CSMD1: variants seen among roughly 807,000 people sequenced by gnomAD.
The protein encoded by CSMD1 is CUB and Sushi multiple domains 1, also known as CUB and sushi domain-containing protein 1.
Under a neutral mutation model 417.5 loss-of-function variants are expected in CSMD1, and 213 were observed. The observed-to-expected ratio is 0.51, with a 90% CI of 0.46 to 0.57. The LOEUF (loss-of-function observed/expected upper bound fraction) is 0.57, where lower values mean the gene tolerates loss of function less well. CSMD1 is among the 20% of genes least tolerant of loss of function. The pLI is 0.00. For missense variants in CSMD1, 6,923 were observed against 4,529.7 expected (o/e 1.53, Z -15.17); for synonymous variants, 2,862 against 1,736.8 (o/e 1.65, Z -16.11).
intron 52 of CSMD1, among the ~76,000 whole-genome samples, chr8:3,015,051 T>C (rs1299279908): frequency 6.6e-6 from 1 of 151,832 alleles, no homozygotes. Flanking sequence ...ACACCTAATA[T>C]GTATCCATAA....
intron 11 of CSMD1, among the ~76,000 whole-genome samples, chr8:3,475,302 G>T (rs1225188501): frequency 6.6e-6 from 1 of 152,134 alleles, no homozygotes; most frequent in Non-Finnish European, 1.5e-5. Flanking sequence ...GCAATTTTAT[G>T]TCTCTTGGCC....
intron 10 of CSMD1, among the ~76,000 whole-genome samples, chr8:3,500,263 T>G (rs924964202): frequency 2.0e-5 from 3 of 152,188 alleles, no homozygotes; most frequent in African/African-American, 7.2e-5. Flanking sequence ...TTTTGGTTCC[T>G]CTTTGTGAAG....
At chr8:3,945,667 G>A (rs573551895) in intron 5 of CSMD1, among the ~76,000 whole-genome samples, 3 of 152,008 alleles carry the variant, frequency 2.0e-5, no homozygotes, top group African/African-American at 7.2e-5. Context: ...TTTTACTTAG[G>A]TGAAATGACG....
chr8:3,651,344 C>A (rs1047552124), intron 7 of CSMD1, among the ~76,000 whole-genome samples: 3 of 152,092 alleles, frequency 2.0e-5, no homozygotes, highest in African/African-American at 7.2e-5. Context: ...GTCCCCACCC[C>A]CACACACTTC....
chr8:3,724,262 T>G (rs1162402665), intron 6 of CSMD1, among the ~76,000 whole-genome samples: 1 of 152,080 alleles, frequency 6.6e-6, no homozygotes, highest in Admixed American at 6.6e-5. Flanking sequence ...GTTAGTTACA[T>G]ATGTATACAT....
At chr8:4,944,648 T>C (rs1384115876) in intron 1 of CSMD1, among the ~76,000 whole-genome samples, 1 of 152,162 alleles carries the variant, frequency 6.6e-6, no homozygotes, top group Admixed American at 6.5e-5. Context: ...TATGAAGAGA[T>C]GTTCGATATT....
intron 2 of CSMD1, among the ~76,000 whole-genome samples, chr8:4,495,583 A>AT: frequency 8.5e-6 from 1 of 118,302 alleles, no homozygotes. Flanking sequence ...TCAGAAAAAA[A>AT]GAAAAAAAAG....
In CSMD1 at chr8:4,212,095, T is replaced by C. The variant is rs139665668; in HGVS notation, c.416-179996A>G. Among the ~76,000 whole-genome samples the C allele has an allele frequency of 1.2e-3, 185 of 151,918 alleles. 4 individuals are homozygous for C. The East Asian group carries it at 0.033, about 27-fold the overall frequency. On this transcript the variant is annotated intron_variant, in intron 3 of 69. Coordinates refer to ENST00000635120, the MANE Select transcript of CSMD1 (RefSeq NM_033225.6). ...AAGAATATGCCTTGTCAACGGAACG[T>C]AAAAGTCATGATTTCAAAGACCATG...
At chr8:3,497,822 G>C (rs1175305002) in intron 10 of CSMD1, among the ~76,000 whole-genome samples, 1 of 152,128 alleles carries the variant, frequency 6.6e-6, no homozygotes, top group Admixed American at 6.5e-5. Flanking sequence ...GGTTATTTTT[G>C]TGGTTTGGTG....
At chr8:4,385,582 A>C (rs1480709938) in intron 3 of CSMD1, among the ~76,000 whole-genome samples, 1 of 152,118 alleles carries the variant, frequency 6.6e-6, no homozygotes, top group East Asian at 1.9e-4. Context: ...GTTTTTAAGG[A>C]GTAAGAATGT....
At chr8:3,957,496 G>T (rs967641902) in intron 5 of CSMD1, among the ~76,000 whole-genome samples, 1 of 151,650 alleles carries the variant, frequency 6.6e-6, no homozygotes, top group African/African-American at 2.4e-5. Context: ...GGGCAACATG[G>T]CCGCACTCTT....
intron 65 of CSMD1, among the ~76,000 whole-genome samples, chr8:2,951,828 C>T (rs975352447): frequency 1.3e-5 from 2 of 152,128 alleles, no homozygotes; most frequent in Non-Finnish European, 2.9e-5. Context: ...AGTAGAGTCC[C>T]TCTCTGTCAT....
At position 4,808,122 on chromosome 8, in the gene CSMD1, A is replaced by G. The variant is rs191391641; in HGVS notation, c.86-170564T>C. ...CTTGCAATTATGTTTCCTGGGTGCT[A>G]CACAAAAGAGGAATCCACCACCACG... On this transcript the variant is annotated intron_variant, in intron 1 of 69. Transcript: ENST00000635120. Among the ~76,000 whole-genome samples the G allele has an allele frequency of 4.6e-5, 7 of 152,272 alleles. No individual in the cohort carries two copies. The East Asian group carries it at 1.4e-3, about 29-fold the overall frequency.
At chr8:3,218,341 C>G (rs574864737) in intron 29 of CSMD1, among the ~76,000 whole-genome samples, 4 of 152,058 alleles carry the variant, frequency 2.6e-5, no homozygotes, top group African/African-American at 9.6e-5. Flanking sequence ...GTGGGAGGAT[C>G]ATGAGGTCAG....
At chr8:4,198,409 A>G (rs780862030) in intron 3 of CSMD1, among the ~76,000 whole-genome samples, 1 of 152,238 alleles carries the variant, frequency 6.6e-6, no homozygotes, top group Admixed American at 6.5e-5. Flanking sequence ...CAGAATTTTC[A>G]GATTGGCAAT....
rs548569650 is a variant in CSMD1 at position 4,456,552 on chromosome 8, G to A, written c.303-36487C>T. ...GCACTTCAGTAGTGACACCACTTTG[G>A]GTAGAACTGAAAACAGCCCTGTCTT... is the stretch of plus-strand genomic sequence containing the variant. On this transcript the variant is annotated intron_variant, in intron 2 of 69. Transcript: ENST00000635120. Among the ~76,000 whole-genome samples, 19 of 152,236 alleles carry A rather than the reference G, an allele frequency of 1.2e-4. No individual in the cohort carries two copies. The South Asian group carries it at 3.1e-3, about 25-fold the overall frequency.
At chr8:4,339,630 A>G (rs1449806315) in intron 3 of CSMD1, among the ~76,000 whole-genome samples, 2 of 152,166 alleles carry the variant, frequency 1.3e-5, no homozygotes, top group Non-Finnish European at 2.9e-5. Flanking sequence ...ACCTGCCCAC[A>G]TAGGAAAACA....
At chr8:4,427,869 T>G (rs1797655084) in intron 2 of CSMD1, among the ~76,000 whole-genome samples, 1 of 152,176 alleles carries the variant, frequency 6.6e-6, no homozygotes, top group Non-Finnish European at 1.5e-5. Flanking sequence ...AATTTTAAAG[T>G]CAGGGATCAC....
rs374907023 is a variant in CSMD1, at chr8:4,640,555, G to C, written c.86-2997C>G. The stretch of plus-strand genomic sequence containing the variant: ...CTAATGGGCCCTTGCCTACTATAGA[G>C]TATGCACAAATATTCTATACATGTT... On this transcript the variant is annotated intron_variant, in intron 1 of 69. Transcript: ENST00000635120. 7.8e-4 allele frequency among the ~76,000 whole-genome samples: 119 copies of C among 152,224 alleles called. 1 individual carries two copies. The South Asian group carries it at 0.023, about 30-fold the overall frequency.
Sources: allele counts gnomAD v4.1 joint callset (sites outside exome capture counted in the v4.1 genomes callset), GRCh38; gene constraint gnomAD v4.1.1; transcripts MANE v1.5; gene names NCBI Gene and HGNC (gene_info 2026-07-23, HGNC 2026-07-21).